ZNF423: variants seen among roughly 807,000 people sequenced by gnomAD.
ZNF423 encodes the protein Ebf-associated zinc finger protein.
In ZNF423, 12 loss-of-function variants were observed where a neutral mutation model predicts 95.8. That is an observed-to-expected ratio of 0.13 (90% CI 0.08 to 0.20). ZNF423 has a LOEUF of 0.20. ZNF423 is among the 10% of genes least tolerant of loss of function. The pLI, the probability that ZNF423 is intolerant of heterozygous loss-of-function variation, is 1.00. For missense variants in ZNF423, 1,316 were observed against 1,737.1 expected (o/e 0.76, Z 4.31); for synonymous variants, 749 against 711.9 (o/e 1.05, Z -0.83).
intron 5 of ZNF423, among the ~76,000 whole-genome samples, chr16:49,530,236 C>T (rs1202013210): frequency 3.3e-5 from 5 of 152,054 alleles, no homozygotes; most frequent in Admixed American, 3.3e-4. Flanking sequence ...TGCTGAGACC[C>T]CCAGACCATC....
rs2035343924 is a variant in ZNF423 at position 49,855,001 on chromosome 16, C to A, written c.40+734G>T. Reference sequence around the variant, plus strand: ...CGCGGAGGGGCGCGCACCGCGGCCGCTGAGCTCCCCTGAGGACCTGCGTCC... The same window carrying A: ...CGCGGAGGGGCGCGCACCGCGGCCGATGAGCTCCCCTGAGGACCTGCGTCC... On this transcript the variant is annotated intron_variant, in intron 1 of 7. Transcript: ENST00000563137. This position sits in a 1 kb window ranked among gnomAD's most constrained non-coding sequence, Gnocchi z 4.7. The A allele has an allele frequency of 1.0e-6, 1 of 984,822 alleles. No individual in the cohort carries two copies. Among genetic ancestry groups the A allele is most frequent in the Non-Finnish European group, 1.2e-6 (1 of 829,704 alleles). The allele number at this position is 984,822 out of a possible 1,614,324, so 61.0% of individuals were successfully genotyped here. A position where few individuals can be genotyped will look rare whatever the true frequency, so the allele number is the denominator to read the frequency against.
At position 49,530,877 on chromosome 16, in the gene ZNF423, C is replaced by G. The variant is rs903942774; in HGVS notation, c.3602-5383G>C. Among the ~76,000 whole-genome samples the G allele has an allele frequency of 2.3e-4, 35 of 152,172 alleles. 1 individual carries two copies. Among genetic ancestry groups the G allele is most frequent in the Admixed American group, 6.5e-4 (10 of 15,280 alleles). On this transcript the variant is annotated intron_variant, in intron 5 of 7. Coordinates refer to ENST00000563137, the MANE Select transcript of ZNF423 (RefSeq NM_001379286.1). ...CAGCCCTGCTGTTCACCCCCAGCAG[C>G]CCTCTCTGGCTTTAGAAAATTCAAG... is the stretch of plus-strand genomic sequence containing the variant.
At chr16:49,662,424 C>T (rs955541407) in intron 3 of ZNF423, among the ~76,000 whole-genome samples, 10 of 152,240 alleles carry the variant, frequency 6.6e-5, no homozygotes, top group East Asian at 5.8e-4. Context: ...GGACAAACAG[C>T]GAGTCACCTG....
chr16:49,644,760 C>T (rs1344556622), intron 3 of ZNF423, among the ~76,000 whole-genome samples: 1 of 151,134 alleles, frequency 6.6e-6, no homozygotes, highest in Admixed American at 6.6e-5. Context: ...CCATCCCAGT[C>T]CTCAGGGCCT....
chr16:49,842,590 A>G lies in ZNF423; in HGVS notation c.40+13145T>C, dbSNP rs191417686. The stretch of plus-strand genomic sequence containing the variant: ...AGCAAGGCCTCATATCTTGGGGGGG[A>G]AAAAATAAAAGGCAACATCACTAAT... On this transcript the variant is annotated intron_variant, in intron 1 of 7. Transcript: ENST00000563137. Among the ~76,000 whole-genome samples the G allele has an allele frequency of 2.0e-4, 31 of 151,766 alleles. No individual in the cohort carries two copies. In the East Asian group the frequency reaches 3.1e-3, roughly 15 times the overall value.
At chr16:49,581,984 C>A (rs376932330) in intron 5 of ZNF423, among the ~76,000 whole-genome samples, 5 of 152,284 alleles carry the variant, frequency 3.3e-5, no homozygotes, top group African/African-American at 9.6e-5. Context: ...CCTTCTCTCT[C>A]GCTCTCTTTA....
rs762394882 is a variant in ZNF423 at position 49,491,284 on chromosome 16, G to A, written c.3870C>T (p.His1290=). The stretch of plus-strand genomic sequence containing the variant: ...CCTGTTGAGCGATCCCTCACTGTGC[G>A]TGCTGGCTCATCGTGTGGTTCTGCA... ...TELQNHTMSQ[H]AQ The change falls in exon 8 of 8, where the codon CAC becomes CAT. Residue 1290 remains histidine, a synonymous_variant. Coordinates refer to ENST00000563137, the MANE Select transcript of ZNF423 (RefSeq NM_001379286.1). 4.3e-6 allele frequency: 7 copies of A among 1,614,088 alleles called. No individual in the cohort carries two copies. The South Asian group carries it at 4.4e-5, about 10-fold the overall frequency.
intron 5 of ZNF423, among the ~76,000 whole-genome samples, chr16:49,563,580 G>A (rs879528450): frequency 6.6e-5 from 10 of 152,204 alleles, no homozygotes; most frequent in Admixed American, 3.3e-4. Context: ...GGAAAGTGGG[G>A]CAGCCTGTCC....
At chr16:49,856,943 C>T (rs1490838440), upstream of ZNF423, among the ~76,000 whole-genome samples, 3 of 146,306 alleles carry the variant, frequency 2.1e-5, no homozygotes, top group African/African-American at 7.4e-5. Flanking sequence ...GGCCGGGCTC[C>T]CGTCCTCCTG....
At chr16:49,525,591 TCCAATCCCCAGCA>T in intron 5 of ZNF423, 97 bp from the exon 6 acceptor site, 2 of 1,535,036 alleles carry the variant, frequency 1.3e-6, no homozygotes, top group Non-Finnish European at 1.8e-6. Flanking sequence ...CTAACCCCCC[TCCAATCCCCAGCA>T]CCGGGGCTGG....
chr16:49,592,039 T>C (rs1225294738), intron 5 of ZNF423, among the ~76,000 whole-genome samples: 1 of 152,272 alleles, frequency 6.6e-6, no homozygotes, highest in African/African-American at 2.4e-5. Flanking sequence ...CTGTATGTAA[T>C]GCATCAATAA....
At chr16:49,560,955 A>C (rs1969997389) in intron 5 of ZNF423, among the ~76,000 whole-genome samples, 3 of 152,224 alleles carry the variant, frequency 2.0e-5, no homozygotes, top group Admixed American at 2.0e-4. Flanking sequence ...TCTTTACTTG[A>C]ATAAAATGTA....
chr16:49,796,387 C>G (rs1415792831), intron 1 of ZNF423, among the ~76,000 whole-genome samples: 1 of 152,240 alleles, frequency 6.6e-6, no homozygotes, highest in Non-Finnish European at 1.5e-5. Flanking sequence ...GAGTAATGCC[C>G]TCCACCCAGA....
chr16:49,603,306 C>G lies in ZNF423; in HGVS notation c.3601+22864G>C, dbSNP rs189834411. Reference sequence around the variant, plus strand: ...GGTTCCTGTCACTCAAAGAATCTTGCCTCCACACAGCACTGGCTTCAAGGA... The same window carrying G: ...GGTTCCTGTCACTCAAAGAATCTTGGCTCCACACAGCACTGGCTTCAAGGA... On this transcript the variant is annotated intron_variant, in intron 5 of 7. Coordinates refer to ENST00000563137, the MANE Select transcript of ZNF423 (RefSeq NM_001379286.1). The surrounding 1 kb of genome is among the most constrained non-coding windows in gnomAD (Gnocchi z 4.1). Among the ~76,000 whole-genome samples the G allele has an allele frequency of 2.0e-4, 30 of 152,338 alleles. No homozygotes were observed. The highest frequency in any genetic ancestry group is 7.2e-4 in the African/African-American group (30 of 41,580).
At position 49,637,568 on chromosome 16, in the gene ZNF423, A is replaced by C. The variant is rs1264461532; in HGVS notation, c.1608T>G (p.Thr536=). 6.2e-7 allele frequency: 1 copy of C among 1,614,052 alleles called. No individual in the cohort carries two copies. The highest frequency in any genetic ancestry group is 1.3e-5 in the African/African-American group (1 of 75,032). The change falls in exon 4 of 8, where the codon ACT becomes ACG. Residue 536 remains threonine, a synonymous_variant. Transcript: ENST00000563137. This position sits in a 1 kb window ranked among gnomAD's most constrained non-coding sequence, Gnocchi z 5.6. ...FCNQCSMGFL[T]ESSLTEHIQQ... The stretch of plus-strand genomic sequence containing the variant: ...GGATGTGCTCGGTGAGGGAGGACTC[A>C]GTAAGGAAACCCATGGAGCACTGGT...
chr16:49,827,155 AG>A, intron 1 of ZNF423: 1 of 152,292 alleles, frequency 6.6e-6, no homozygotes, highest in East Asian at 1.9e-4. Flanking sequence ...AAAATAAAAG[AG>A]ATACATCTCC....
chr16:49,646,568 C>CT (rs1194511671), intron 3 of ZNF423, among the ~76,000 whole-genome samples: 1 of 120,720 alleles, frequency 8.3e-6, no homozygotes, highest in Non-Finnish European at 1.8e-5. Context: ...ATTTTCTTTT[C>CT]TTTTTCTTTT....
At chr16:49,836,285 G>A (rs373834923) in intron 1 of ZNF423, among the ~76,000 whole-genome samples, 1 of 152,220 alleles carries the variant, frequency 6.6e-6, no homozygotes, top group Admixed American at 6.5e-5. Context: ...CCCAGGACTT[G>A]GCCTGGGACA....
chr16:49,585,560 G>C (rs889947350), intron 5 of ZNF423, among the ~76,000 whole-genome samples: 1 of 152,250 alleles, frequency 6.6e-6, no homozygotes, highest in African/African-American at 2.4e-5. Flanking sequence ...AGCAGGCTTT[G>C]CAATCTGAAT....
Sources: gnomAD v4.1 joint callset for allele counts (sites outside exome capture counted in the v4.1 genomes callset) on GRCh38, gnomAD v4.1.1 for gene constraint, Gnocchi (gnomAD v3.1) non-coding constraint, MANE v1.5 for transcripts, NCBI Gene and HGNC (gene_info 2026-07-23, HGNC 2026-07-21) for gene names.